RGS7: variants seen among roughly 807,000 people sequenced by gnomAD.
RGS7 encodes regulator of G protein signaling 7.
RGS7 carries 27 observed loss-of-function variants against 81.1 expected under a neutral mutation model. That is an observed-to-expected ratio of 0.33 (90% CI 0.25 to 0.46). The LOEUF is 0.46. RGS7 is among the 20% of genes least tolerant of loss of function. The pLI is 1.00. For missense variants in RGS7, 396 were observed against 607.4 expected, an observed-to-expected ratio of 0.65 and a Z score of 3.66; for synonymous variants, 208 against 207.7, an observed-to-expected ratio of 1.00 and a Z score of -0.01.
intron 3 of RGS7, among the ~76,000 whole-genome samples, chr1:240,997,520 A>G (rs115226530): frequency 0.013 from 2,012 of 152,206 alleles, 26 homozygotes; most frequent in Non-Finnish European, 0.02. Flanking sequence ...TTCAACAATC[A>G]AAACAATCAA....
intron 2 of RGS7, among the ~76,000 whole-genome samples, chr1:241,141,173 C>G (rs1006787229): frequency 6.6e-6 from 1 of 152,044 alleles, no homozygotes; most frequent in Non-Finnish European, 1.5e-5. Flanking sequence ...AATTGCTAAC[C>G]GTCTAAATTC....
intron 2 of RGS7, among the ~76,000 whole-genome samples, chr1:241,107,937 G>C (rs1053307334): frequency 6.6e-6 from 1 of 152,040 alleles, no homozygotes; most frequent in Non-Finnish European, 1.5e-5. Flanking sequence ...AAGTTATATA[G>C]CAGAAAAAAG....
chr1:241,087,995 T>TATATATATAC (rs1553414167), intron 3 of RGS7, among the ~76,000 whole-genome samples: 6 of 116,336 alleles, frequency 5.2e-5, no homozygotes, highest in East Asian at 2.4e-4. Context: ...TATATATATA[T>TATATATATAC]ACACACACAC....
chr1:240,908,750 G>C (rs77844074), intron 6 of RGS7, among the ~76,000 whole-genome samples: 5,347 of 152,232 alleles, frequency 0.035, 100 homozygotes, highest in Middle Eastern at 0.044. Flanking sequence ...TAATTCACAA[G>C]AAAACTAGGA....
intron 9 of RGS7, among the ~76,000 whole-genome samples, chr1:240,833,937 T>C (rs113879968): frequency 6.6e-6 from 1 of 152,056 alleles, no homozygotes; most frequent in Admixed American, 6.6e-5. Flanking sequence ...AGTGCCACCA[T>C]GTCTGGCTAA....
At chr1:240,999,069 T>C (rs1687743452) in intron 3 of RGS7, among the ~76,000 whole-genome samples, 1 of 152,140 alleles carries the variant, frequency 6.6e-6, no homozygotes, top group Non-Finnish European at 1.5e-5. Context: ...GACTTAGTGG[T>C]TTCTTCCATC....
chr1:241,294,306 A>G (rs1361135727), intron 2 of RGS7, among the ~76,000 whole-genome samples: 1 of 151,844 alleles, frequency 6.6e-6, no homozygotes. Context: ...GGGGGCAAGA[A>G]CAAATACCTA....
chr1:241,201,092 C>G (rs941956392), intron 2 of RGS7, among the ~76,000 whole-genome samples: 4 of 152,212 alleles, frequency 2.6e-5, no homozygotes, highest in African/African-American at 9.6e-5. Flanking sequence ...CTCTGTAAGA[C>G]ACCTGGGAAT....
rs74150261 is a variant in RGS7, at chr1:241,323,922, G to C, written c.78+31777C>G. 2.0e-3 allele frequency among the ~76,000 whole-genome samples: 301 copies of C among 152,290 alleles called. 2 individuals are homozygous for C. The highest frequency in any genetic ancestry group is 1.9e-3 in the Non-Finnish European group (132 of 68,020). On this transcript the variant is annotated intron_variant, in intron 2 of 18. Coordinates refer to ENST00000440928, the MANE Select transcript of RGS7 (RefSeq NM_001364886.1). ...ATGGTAATTTTTAAAAGCCCAGTCTGCCTGAGACTGAAGCCCAGCTCTGTC... is the reference window on the plus strand; with the variant it reads ...ATGGTAATTTTTAAAAGCCCAGTCTCCCTGAGACTGAAGCCCAGCTCTGTC...
chr1:241,005,720 G>C (rs1312754348), intron 3 of RGS7, among the ~76,000 whole-genome samples: 1 of 152,032 alleles, frequency 6.6e-6, no homozygotes, highest in African/African-American at 2.4e-5. Context: ...ATTTTTAGTA[G>C]AGATGGGGTT....
At chr1:241,028,299 G>T (rs1037303684) in intron 3 of RGS7, among the ~76,000 whole-genome samples, 9 of 152,190 alleles carry the variant, frequency 5.9e-5, no homozygotes, top group African/African-American at 2.2e-4. Context: ...ATCTGCTTGT[G>T]AATTGAATTT....
At chr1:240,793,517 C>T (rs1686370261) in intron 18 of RGS7, among the ~76,000 whole-genome samples, 1 of 148,480 alleles carries the variant, frequency 6.7e-6, no homozygotes, top group Non-Finnish European at 1.5e-5. Context: ...CATATGCTTG[C>T]TGGTAATATC....
intron 3 of RGS7, among the ~76,000 whole-genome samples, chr1:241,089,055 CTCTCTCTCTATA>C (rs1363886027): frequency 3.1e-4 from 16 of 51,724 alleles, no homozygotes; most frequent in East Asian, 1.8e-3. Context: ...CTCTCTCTCT[CTCTCTCTCTATA>C]TATATATATA....
At chr1:241,291,503 T>C (rs1047233687) in intron 2 of RGS7, among the ~76,000 whole-genome samples, 1 of 150,926 alleles carries the variant, frequency 6.6e-6, no homozygotes, top group African/African-American at 2.4e-5. Flanking sequence ...AATGGGGCAA[T>C]GTTGCCTACT....
chr1:240,917,835 A>T (rs1432766715), intron 6 of RGS7, among the ~76,000 whole-genome samples: 1 of 152,184 alleles, frequency 6.6e-6, no homozygotes, highest in Non-Finnish European at 1.5e-5. Flanking sequence ...AGTGGATATA[A>T]AACAGAACCA....
At chr1:241,098,174 TAACCTGACCC>T (rs1014619047) in intron 3 of RGS7, among the ~76,000 whole-genome samples, 5 of 152,198 alleles carry the variant, frequency 3.3e-5, no homozygotes, top group African/African-American at 1.2e-4. Context: ...CAGACCCTCA[TAACCTGACCC>T]AAGTTCTCTA....
At chr1:241,276,884 T>C (rs1482585738) in intron 2 of RGS7, among the ~76,000 whole-genome samples, 5 of 152,108 alleles carry the variant, frequency 3.3e-5, no homozygotes, top group African/African-American at 7.2e-5. Context: ...TTAATTTTAA[T>C]AGTACAGGCG....
intron 12 of RGS7, among the ~76,000 whole-genome samples, 192 bp from the exon 13 acceptor site, chr1:240,813,920 T>C (rs1016700899): frequency 6.6e-6 from 1 of 152,204 alleles, no homozygotes; most frequent in Non-Finnish European, 1.5e-5. Flanking sequence ...CAGACAACTG[T>C]GGCTAAAGAT....
intron 2 of RGS7, among the ~76,000 whole-genome samples, chr1:241,279,036 G>A (rs2078359114): frequency 6.6e-6 from 1 of 152,224 alleles, no homozygotes; most frequent in South Asian, 2.1e-4. Context: ...ATAGTTAAGT[G>A]CCACTTTAAG....
Sources: allele counts gnomAD v4.1 joint callset (sites outside exome capture counted in the v4.1 genomes callset), GRCh38; gene constraint gnomAD v4.1.1; transcripts MANE v1.5; gene names NCBI Gene and HGNC (gene_info 2026-07-23, HGNC 2026-07-21).